CMIP: variants seen among roughly 807,000 people sequenced by gnomAD.
CMIP encodes the protein c-Maf inducing protein.
Under a neutral mutation model 97.3 loss-of-function variants are expected in CMIP, and 13 were observed. That is an observed-to-expected ratio of 0.13 (90% CI 0.09 to 0.21). The LOEUF is 0.21. Among genes scored for constraint, CMIP ranks in the 10% least tolerant of loss-of-function variants. CMIP has a pLI of 1.00. For synonymous variants in CMIP, 538 were observed against 436.3 expected, an observed-to-expected ratio of 1.23 and a Z score of -2.91; for missense variants, 847 against 1,024.9, an observed-to-expected ratio of 0.83 and a Z score of 2.37.
Position 81,711,733 on chromosome 16 carries a change from G to C in CMIP, c.*1934G>C, listed in dbSNP as rs1307863791. On this transcript the variant is annotated 3_prime_UTR_variant, in exon 21 of 21. Coordinates refer to ENST00000537098, the MANE Select transcript of CMIP (RefSeq NM_198390.3). ...TACAAAGAGATGTGAAATACTTTCA[G>C]GCAAAAATAAACTGTAAGTGACTCA... 6.6e-6 allele frequency: 1 copy of C among 152,640 alleles called. No homozygotes were observed. The highest frequency in any genetic ancestry group is 1.5e-5 in the Non-Finnish European group (1 of 68,046). 9.5% of individuals were successfully genotyped at this position (152,640 alleles called of 1,614,324 possible).
intron 3 of CMIP, among the ~76,000 whole-genome samples, chr16:81,626,611 G>A (rs1025353211): frequency 1.5e-4 from 22 of 147,436 alleles, no homozygotes; most frequent in Admixed American, 4.7e-4. Context: ...GACGGTGTGC[G>A]TGTGTGTGTG....
chr16:81,587,799 C>T (rs747722342), intron 1 of CMIP, among the ~76,000 whole-genome samples: 39 of 152,208 alleles, frequency 2.6e-4, no homozygotes, highest in Admixed American at 5.2e-4. Flanking sequence ...TTGATCCCCT[C>T]CTGAGGGTGA....
At chr16:81,606,669 C>G (rs1177104448) in intron 1 of CMIP, among the ~76,000 whole-genome samples, 1 of 151,942 alleles carries the variant, frequency 6.6e-6, no homozygotes, top group Non-Finnish European at 1.5e-5. Flanking sequence ...CCAAGACAGA[C>G]CTAGGCCCTG....
At chr16:81,586,524 A>G (rs1014743203) in intron 1 of CMIP, among the ~76,000 whole-genome samples, 1 of 152,106 alleles carries the variant, frequency 6.6e-6, no homozygotes, top group Admixed American at 6.5e-5. Context: ...GTAAGCCCTC[A>G]CATTCCTCAG....
intron 13 of CMIP, among the ~76,000 whole-genome samples, chr16:81,693,971 C>G (rs541075374): frequency 5.3e-5 from 8 of 152,314 alleles, no homozygotes; most frequent in African/African-American, 1.7e-4. Flanking sequence ...CCTTCTGCCC[C>G]TGAGCCTGTG....
At position 81,521,192 on chromosome 16, in the gene CMIP, A is replaced by G. The variant is rs531486299; in HGVS notation, c.300+75651A>G. ...TGCCCGGTCGCCGTGACTGTGGACC[A>G]TGGGACCCTTTCAGCCCCGAGGCCT... On this transcript the variant is annotated intron_variant, in intron 1 of 20. Transcript: ENST00000537098. Among the ~76,000 whole-genome samples, 85 of 152,328 alleles carry G rather than the reference A, an allele frequency of 5.6e-4. 1 individual carries two copies. In the South Asian group the frequency reaches 0.016, roughly 29 times the overall value.
intron 1 of CMIP, among the ~76,000 whole-genome samples, chr16:81,596,856 A>C (rs1047895577): frequency 6.6e-6 from 1 of 152,214 alleles, no homozygotes; most frequent in Admixed American, 6.5e-5. Context: ...GCACAGACTC[A>C]GGTGCACCTC....
chr16:81,662,921 T>A (rs1180149354), intron 6 of CMIP, among the ~76,000 whole-genome samples: 1 of 152,174 alleles, frequency 6.6e-6, no homozygotes, highest in Admixed American at 6.5e-5. Flanking sequence ...ATACCCAATT[T>A]CCAAGGTCTT....
At chr16:81,617,879 T>C (rs955767232) in intron 2 of CMIP, among the ~76,000 whole-genome samples, 5 of 152,208 alleles carry the variant, frequency 3.3e-5, no homozygotes, top group African/African-American at 1.2e-4. Context: ...CCTTCCCTCT[T>C]AGGGTCACAC....
chr16:81,542,749 C>G (rs1485592664), intron 1 of CMIP, among the ~76,000 whole-genome samples: 1 of 152,096 alleles, frequency 6.6e-6, no homozygotes, highest in African/African-American at 2.4e-5. Flanking sequence ...CTTATGAGGA[C>G]ATTTATCCTG....
At chr16:81,645,040 C>G (rs1208057007) in intron 3 of CMIP, among the ~76,000 whole-genome samples, 9 of 152,240 alleles carry the variant, frequency 5.9e-5, no homozygotes, top group Admixed American at 3.9e-4. Context: ...AAAATGTTCT[C>G]TGTCTGCACC....
rs761592059 is a variant in CMIP at position 81,445,339 on chromosome 16, C to T, written c.98C>T (p.Thr33Met). ...GGCGACGTGTCGGCCCCCGAAGGCA[C>T]GAAGATGGGCGCCGTGCCCTGCCGC... Reference protein sequence around the residue: ...LGGDVSAPEGTKMGAVPCRRA... With the variant: ...LGGDVSAPEGMKMGAVPCRRA... The change falls in exon 1 of 21, where the codon ACG becomes ATG. Residue 33 changes from threonine (T) to methionine (M), a missense_variant. By Grantham distance (81) the Thr-to-Met change is moderately conservative. Transcript: ENST00000537098. 1.9e-6 allele frequency: 3 copies of T among 1,597,278 alleles called. No individual in the cohort carries two copies. The East Asian group carries it at 6.8e-5, about 36-fold the overall frequency.
intron 1 of CMIP, among the ~76,000 whole-genome samples, chr16:81,507,341 A>T (rs796185753): frequency 2.0e-5 from 3 of 152,312 alleles, no homozygotes; most frequent in African/African-American, 7.2e-5. Flanking sequence ...ATAAGCCTAA[A>T]ACTACGTTTC....
At chr16:81,681,677 A>G (rs1904889121) in intron 10 of CMIP, among the ~76,000 whole-genome samples, 1 of 152,226 alleles carries the variant, frequency 6.6e-6, no homozygotes, top group South Asian at 2.1e-4. Flanking sequence ...GTGCTTTGAG[A>G]GAGAAAAGCC....
intron 1 of CMIP, among the ~76,000 whole-genome samples, chr16:81,469,838 A>T (rs1200831223): frequency 6.6e-6 from 1 of 152,240 alleles, no homozygotes; most frequent in Admixed American, 6.5e-5. Context: ...CCACCAGGCC[A>T]GTTCTGTTTG....
At chr16:81,538,163 C>G (rs1192686780) in intron 1 of CMIP, among the ~76,000 whole-genome samples, 2 of 152,244 alleles carry the variant, frequency 1.3e-5, no homozygotes, top group African/African-American at 4.8e-5. Context: ...AGTAAAATGA[C>G]TTGCTCCAGA....
intron 1 of CMIP, among the ~76,000 whole-genome samples, chr16:81,480,961 CG>C (rs1422431048): frequency 3.3e-5 from 5 of 152,146 alleles, no homozygotes; most frequent in Non-Finnish European, 5.9e-5. Context: ...AGTGTTTTCA[CG>C]GGATGGCTTT....
chr16:81,445,865 G>A (rs1049402134), intron 1 of CMIP, among the ~76,000 whole-genome samples: 1 of 151,622 alleles, frequency 6.6e-6, no homozygotes, highest in Admixed American at 6.6e-5. Flanking sequence ...TGGACCCGAC[G>A]CTGGGCCCTG....
intron 1 of CMIP, among the ~76,000 whole-genome samples, chr16:81,481,740 C>T (rs115508388): frequency 7.9e-5 from 12 of 152,222 alleles, no homozygotes; most frequent in African/African-American, 2.4e-4. Context: ...GAGGTGTTGT[C>T]TTTCTGGAAG....
Sources: allele counts gnomAD v4.1 joint callset (sites outside exome capture counted in the v4.1 genomes callset), GRCh38; gene constraint gnomAD v4.1.1; transcripts MANE v1.5; gene names NCBI Gene and HGNC (gene_info 2026-07-23, HGNC 2026-07-21).